WDR17: variants seen among roughly 807,000 people sequenced by gnomAD.
WDR17 encodes the protein WD repeat domain 17, also known as WD repeat-containing protein 17.
WDR17 carries 143 observed loss-of-function variants against 161.7 expected under a neutral mutation model. The ratio of observed to expected loss-of-function variants is 0.88; its 90% CI spans 0.77 to 1.02. WDR17 has a LOEUF of 1.02. WDR17 is among the 50% of genes least tolerant of loss of function. WDR17 has a pLI of 0.00. For missense variants in WDR17, 1,469 were observed against 1,520.9 expected (o/e 0.97, Z 0.57); for synonymous variants, 517 against 515.6 (o/e 1.00, Z -0.04).
chr4:176,067,683 T>A (rs1578961924), intron 1 of WDR17, among the ~76,000 whole-genome samples: 1 of 152,330 alleles, frequency 6.6e-6, no homozygotes, highest in African/African-American at 2.4e-5. Context: ...TAAATTAATT[T>A]AGGCCAGAAA....
At chr4:176,109,590 G>C (rs1239160644) in intron 1 of WDR17, among the ~76,000 whole-genome samples, 1 of 152,178 alleles carries the variant, frequency 6.6e-6, no homozygotes, top group Non-Finnish European at 1.5e-5. Flanking sequence ...TGAGAAGAAA[G>C]TAGATCCTTT....
chr4:176,149,610 A>T (rs1203285866), intron 13 of WDR17, among the ~76,000 whole-genome samples, 197 bp from the exon 14 acceptor site: 1 of 152,138 alleles, frequency 6.6e-6, no homozygotes, highest in African/African-American at 2.4e-5. Context: ...TATTTATAGA[A>T]TATATAAAAT....
chr4:176,097,573 T>A (rs935873812), intron 1 of WDR17, among the ~76,000 whole-genome samples: 1 of 151,976 alleles, frequency 6.6e-6, no homozygotes, highest in Non-Finnish European at 1.5e-5. Context: ...CTCTGAAGAA[T>A]AATACTCATA....
At chr4:176,135,993 CT>C (rs1744335213) in intron 8 of WDR17, among the ~76,000 whole-genome samples, 1 of 151,502 alleles carries the variant, frequency 6.6e-6, no homozygotes, top group Non-Finnish European at 1.5e-5. Context: ...GGATTCTTAA[CT>C]TTGAATATTT....
chr4:176,163,111 C>T (rs1216651786), intron 21 of WDR17, 43 bp from the exon 22 acceptor site: 3 of 1,613,212 alleles, frequency 1.9e-6, no homozygotes, highest in South Asian at 2.2e-5. Flanking sequence ...TGATCCTACC[C>T]AGCTTCTATG....
At chr4:176,138,467 G>A (rs1744752455) in intron 9 of WDR17, among the ~76,000 whole-genome samples, 1 of 151,652 alleles carries the variant, frequency 6.6e-6, no homozygotes, top group Non-Finnish European at 1.5e-5. Context: ...CTCAAAAAAG[G>A]AAACTTTGAC....
intron 1 of WDR17, among the ~76,000 whole-genome samples, chr4:176,074,926 A>G (rs1398495813): frequency 6.7e-6 from 1 of 150,364 alleles, no homozygotes; most frequent in Non-Finnish European, 1.5e-5. Flanking sequence ...TAAAAAGTCA[A>G]TGGAATAATA....
chr4:176,094,702 G>A (rs1011641638), intron 1 of WDR17, among the ~76,000 whole-genome samples: 1 of 152,110 alleles, frequency 6.6e-6, no homozygotes, highest in African/African-American at 2.4e-5. Context: ...TGAAGATAAG[G>A]GCCTTCTGAA....
Position 176,150,589 on chromosome 4 carries a change from G to T in WDR17, c.2300G>T (p.Arg767Ile). ...IMHLKHLIKF[R>I]TSEAQELTTV... The stretch of plus-strand genomic sequence containing the variant: ...CACTTGAAACATCTGATTAAATTTA[G>T]AACAGTGAGTAAAATATGCAAATAT... The change falls in exon 16 of 29, where the codon AGA (arginine) becomes ATA (isoleucine). Residue 767 changes from arginine to isoleucine, a missense_variant. Coordinates refer to ENST00000508596, the MANE Select transcript of WDR17 (RefSeq NM_181265.4). The T allele has an allele frequency of 6.3e-7, 1 of 1,593,680 alleles. No homozygotes were observed. Among genetic ancestry groups the T allele is most frequent in the South Asian group, 1.2e-5 (1 of 85,270 alleles).
intron 1 of WDR17, among the ~76,000 whole-genome samples, chr4:176,093,711 T>C (rs569913273): frequency 6.6e-6 from 1 of 152,220 alleles, no homozygotes; most frequent in African/African-American, 2.4e-5. Context: ...CATGACATGC[T>C]TCCCCTCTGA....
intron 17 of WDR17, 111 bp downstream of exon 17, chr4:176,152,078 G>T (rs531814522): frequency 2.9e-5 from 31 of 1,078,496 alleles, no homozygotes; most frequent in Non-Finnish European, 3.9e-5. Flanking sequence ...TGGAGGCCAA[G>T]GTGGGTGGAT....
chr4:176,156,011 AG>A, intron 17 of WDR17, 67 bp from the exon 18 acceptor site: 2 of 1,368,060 alleles, frequency 1.5e-6, no homozygotes, highest in South Asian at 1.3e-5. Context: ...CTATTTTTTA[AG>A]TGTCTTAAGA....
At position 176,131,655 on chromosome 4, in the gene WDR17, G is replaced by C. The variant is rs1743473475; in HGVS notation, c.1015G>C (p.Gly339Arg). The C allele has an allele frequency of 1.2e-6, 2 of 1,613,358 alleles. No individual in the cohort carries two copies. Among genetic ancestry groups the C allele is most frequent in the Non-Finnish European group, 1.7e-6 (2 of 1,179,748 alleles). Residue 339 changes from glycine (G) to arginine (R), a missense_variant, in exon 7 of 29, where the codon GGT becomes CGT. By Grantham distance (125) the Gly-to-Arg change is moderately radical (BLOSUM62 -2). Coordinates refer to ENST00000508596, the MANE Select transcript of WDR17 (RefSeq NM_181265.4). ...GAATCAAGCATTTTCTCTTCCTCCT[G>C]GTCATGCAGTGTGTTGTTTCTTGGA... The part of the protein sequence containing the change: ...TQNQAFSLPP[G>R]HAVCCFLDGG...
chr4:176,135,211 C>T lies in WDR17; in HGVS notation c.1202C>T (p.Thr401Ile), dbSNP rs1296613628. The change falls in exon 8 of 29, where the codon ACA becomes ATA. Residue 401 changes from threonine (T) to isoleucine (I), a missense_variant. Physicochemically the swap from Thr to Ile is moderately conservative, Grantham distance 89. Transcript: ENST00000508596. The part of the protein sequence containing the change: ...DGTIKVWDIN[T>I]LTAVYTSPGN... Reference sequence around the variant, plus strand: ...ACTATAAAAGTCTGGGATATAAACACATTAACAGCAGTGTACACATCCCCG... The same window carrying T: ...ACTATAAAAGTCTGGGATATAAACATATTAACAGCAGTGTACACATCCCCG... 5 of 1,612,352 alleles carry T rather than the reference C, an allele frequency of 3.1e-6. No individual in the cohort carries two copies. Among genetic ancestry groups the T allele is most frequent in the East Asian group, 2.2e-5 (1 of 44,794 alleles).
intron 1 of WDR17, chr4:176,096,562 G>A: frequency 6.2e-7 from 1 of 1,601,460 alleles, no homozygotes; most frequent in African/African-American, 1.4e-5. Context: ...TGAGCAAGAT[G>A]ATTGGTATGA....
intron 1 of WDR17, among the ~76,000 whole-genome samples, chr4:176,087,920 T>C (rs1735625745): frequency 6.6e-6 from 1 of 152,102 alleles, no homozygotes; most frequent in Non-Finnish European, 1.5e-5. Context: ...CTCGGCTCAC[T>C]GCAACCTTTG....
chr4:176,097,720 T>TACAC (rs561504948), intron 1 of WDR17, among the ~76,000 whole-genome samples: 33 of 130,070 alleles, frequency 2.5e-4, no homozygotes, highest in African/African-American at 7.2e-4. Context: ...AAGCCCCACT[T>TACAC]ACACACACAC....
chr4:176,179,530 T>C lies in WDR17; in HGVS notation c.3803T>C (p.Val1268Ala), dbSNP rs1325142990. ...AATGATGCTTTGATGTGGGCAAAGG[T>C]GAATCCATTCTCACCTTTAGGGACT... ...SLNDALMWAK[V>A]NPFSPLGTGI... The change falls in exon 29 of 29, where the codon GTG becomes GCG. Residue 1268 changes from valine to alanine, a missense_variant. Coordinates refer to ENST00000508596, the MANE Select transcript of WDR17 (RefSeq NM_181265.4). 2 of 1,605,356 alleles carry C rather than the reference T, an allele frequency of 1.2e-6. No individual in the cohort carries two copies. Among genetic ancestry groups the C allele is most frequent in the African/African-American group, 2.7e-5 (2 of 74,546 alleles).
chr4:176,142,951 C>A (rs1472593615), intron 11 of WDR17, among the ~76,000 whole-genome samples: 1 of 152,184 alleles, frequency 6.6e-6, no homozygotes, highest in Non-Finnish European at 1.5e-5. Context: ...ATGATCTCGG[C>A]TCACGGCAAC....
Sources: allele counts gnomAD v4.1 joint callset (sites outside exome capture counted in the v4.1 genomes callset), GRCh38; gene constraint gnomAD v4.1.1; transcripts MANE v1.5; gene names NCBI Gene and HGNC (gene_info 2026-07-23, HGNC 2026-07-21).